The following NUP88 variants were observed in gnomAD, a reference collection of about 807,000 sequenced individuals.
NUP88 encodes the protein nuclear pore complex protein Nup88.
NUP88 carries 57 observed loss-of-function variants against 93.9 expected under a neutral mutation model. That is an observed-to-expected ratio of 0.61 (90% CI 0.49 to 0.76). The LOEUF (loss-of-function observed/expected upper bound fraction) is 0.76, where lower values mean the gene tolerates loss of function less well. Ranked by LOEUF, NUP88 falls within the 30% of genes least tolerant of loss-of-function variation. The pLI is 0.00. For synonymous variants in NUP88, 346 were observed against 336.8 expected (o/e 1.03, Z -0.30); for missense variants, 911 against 901.0 (o/e 1.01, Z -0.14).
Position 5,399,616 on chromosome 17 carries a change from A to G in NUP88, c.1227T>C (p.His409=), listed in dbSNP as rs1305208888. ...PKCPSRYHCT[H]EAGVHSVGLT... ...GCCCAACACTATGTACACCAGCTTC[A>G]TGAGTACAGTGATATCTTGAAGGAC... Residue 409 remains histidine, a synonymous_variant, in exon 8 of 17, where the codon CAT becomes CAC. Transcript: ENST00000573584. The G allele has an allele frequency of 3.1e-6, 5 of 1,608,622 alleles. No homozygotes were observed. Among genetic ancestry groups the G allele is most frequent in the Admixed American group, 1.7e-5 (1 of 59,674 alleles).
At chr17:5,386,415 G>A in intron 16 of NUP88, 146 bp from the exon 17 acceptor site, 1 of 699,776 alleles carries the variant, frequency 1.4e-6, no homozygotes, top group Non-Finnish European at 2.5e-6. Flanking sequence ...TAGCAATAGT[G>A]TTCACTATTC....
At position 5,416,556 on chromosome 17, in the gene NUP88, TC is replaced by T. The variant is rs1454666315; in HGVS notation, c.423del (p.Lys142ArgfsTer12). 3 of 1,612,040 alleles carry T rather than the reference TC, an allele frequency of 1.9e-6. No individual in the cohort carries two copies. The highest frequency in any genetic ancestry group is 1.7e-6 in the Non-Finnish European group (2 of 1,179,172). The stretch of plus-strand genomic sequence containing the variant: ...TTTCCACCTTCAAATTCAGAATTCT[TC>T]CCCCATCTTTTAGGTAATTCTAATA... ...LMVLELPKRW[G>X]KNSEFEGGKS... On this transcript the variant is annotated frameshift_variant, in exon 2 of 17. Coordinates refer to ENST00000573584, the MANE Select transcript of NUP88 (RefSeq NM_002532.6). LOFTEE classifies it high-confidence loss of function.
chr17:5,411,708 T>C (rs111322674), intron 3 of NUP88, among the ~76,000 whole-genome samples: 7 of 152,206 alleles, frequency 4.6e-5, no homozygotes, highest in South Asian at 2.1e-4. Flanking sequence ...TTTCACAGCA[T>C]ATAAGGCTAT....
chr17:5,385,166 A>C lies in NUP88; in HGVS notation c.*1040T>G, dbSNP rs917168352. 4 of 229,748 alleles carry C rather than the reference A, an allele frequency of 1.7e-5. No homozygotes were observed. Among genetic ancestry groups the C allele is most frequent in the Non-Finnish European group, 3.4e-5 (4 of 115,980 alleles). 14.2% of individuals were successfully genotyped at this position (229,748 alleles called of 1,614,324 possible). On this transcript the variant is annotated 3_prime_UTR_variant, in exon 17 of 17. Transcript: ENST00000573584. ...CTTTATTGTAGAAAAACCCAAACTGAGACTCTTAAGTTTTGTTTAGCAATG... is the reference window on the plus strand; with the variant it reads ...CTTTATTGTAGAAAAACCCAAACTGCGACTCTTAAGTTTTGTTTAGCAATG...
Position 5,404,245 on chromosome 17 carries a change from G to A in NUP88, c.1046C>T (p.Ser349Leu), listed in dbSNP as rs1913350925. ...LEGEEEDDHTSEKSWDSRIDL... is the reference protein window; with the variant it reads ...LEGEEEDDHTLEKSWDSRIDL... ...AATCCTGGAATCCCAGGACTTTTCT[G>A]ACTGTAAAAAAAAGTGTTGTAATTT... The change falls in exon 7 of 17, where the codon TCA becomes TTA. Residue 349 changes from serine (S) to leucine (L), a missense_variant and splice_region_variant. Physicochemically the swap from Ser to Leu is moderately radical, Grantham distance 145 (BLOSUM62 -2). Transcript: ENST00000573584. 1 of 1,609,592 alleles carries A rather than the reference G, an allele frequency of 6.2e-7. No homozygotes were observed. Among genetic ancestry groups the A allele is most frequent in the African/African-American group, 1.3e-5 (1 of 74,710 alleles).
chr17:5,399,534 G>C lies in NUP88; in HGVS notation c.1291+18C>G, dbSNP rs746239991. 8 of 1,300,098 alleles carry C rather than the reference G, an allele frequency of 6.2e-6. No individual in the cohort carries two copies. Among genetic ancestry groups the C allele is most frequent in the Non-Finnish European group, 8.9e-6 (8 of 903,930 alleles). The allele number at this position is 1,300,098 out of a possible 1,614,324, so 80.5% of individuals were successfully genotyped here. A position where few individuals can be genotyped will look rare whatever the true frequency, so the allele number is the denominator to read the frequency against. On this transcript the variant is annotated intron_variant, in intron 8 of 16. Transcript: ENST00000573584. ...TCCTCTGAAATCTATTAAAAGTGCA[G>C]AGAGTTAGTAAACTCACCTGATCCA...
At chr17:5,413,927 G>C (rs927648274) in intron 3 of NUP88, 82 bp downstream of exon 3, 1 of 1,457,176 alleles carries the variant, frequency 6.9e-7, no homozygotes, top group Non-Finnish European at 9.5e-7. Context: ...GACTCACTTC[G>C]TTCTATGTTG....
chr17:5,391,097 C>G (rs893137085), intron 10 of NUP88, among the ~76,000 whole-genome samples: 1 of 152,126 alleles, frequency 6.6e-6, no homozygotes, highest in Non-Finnish European at 1.5e-5. Flanking sequence ...TATCCCAGCT[C>G]TATTTGTTAC....
chr17:5,415,256 G>A (rs541203053), intron 2 of NUP88, among the ~76,000 whole-genome samples: 1 of 152,196 alleles, frequency 6.6e-6, no homozygotes, highest in South Asian at 2.1e-4. Flanking sequence ...CTGAGCTCAG[G>A]TGATCCACCT....
rs367956575 is a variant in NUP88, at chr17:5,391,645, C to T, written c.1400G>A (p.Arg467Gln). 32 of 1,613,742 alleles carry T rather than the reference C, an allele frequency of 2.0e-5. No homozygotes were observed. The highest frequency in any genetic ancestry group is 6.7e-5 in the African/African-American group (5 of 74,878). The change falls in exon 10 of 17, where the codon CGA becomes CAA. Residue 467 changes from arginine to glutamine, a missense_variant. Physicochemically the swap from Arg to Gln is conservative, Grantham distance 43 (BLOSUM62 1). Transcript: ENST00000573584. Reference protein sequence around the residue: ...PLPCRQPAPIRGFWIVPDILG... With the variant: ...PLPCRQPAPIQGFWIVPDILG... ...AATGTCAGGTACAATCCAAAATCCT[C>T]GAATTGGAGCTGGCTGCCTGGAAAA...
chr17:5,386,398 A>G (rs1911978906), intron 16 of NUP88, 129 bp from the exon 17 acceptor site: 1 of 754,246 alleles, frequency 1.3e-6, no homozygotes, highest in African/African-American at 1.8e-5. Flanking sequence ...TGAAGGTTTC[A>G]GGTGGATAGC....
At chr17:5,404,518 G>T (rs892547375) in intron 6 of NUP88, among the ~76,000 whole-genome samples, 1 of 152,072 alleles carries the variant, frequency 6.6e-6, no homozygotes, top group East Asian at 1.9e-4. Flanking sequence ...GGAGGCTGAC[G>T]CAAGAGAATC....
At chr17:5,396,031 C>T (rs750188566) in intron 8 of NUP88, among the ~76,000 whole-genome samples, 10 of 151,846 alleles carry the variant, frequency 6.6e-5, no homozygotes, top group African/African-American at 1.2e-4. Context: ...GCCAACATAG[C>T]GAGACGCCGT....
intron 8 of NUP88, among the ~76,000 whole-genome samples, chr17:5,396,503 A>C (rs931669624): frequency 6.6e-6 from 1 of 152,236 alleles, no homozygotes; most frequent in African/African-American, 2.4e-5. Flanking sequence ...TCTGTTGTAT[A>C]GACACACCAC....
At chr17:5,411,576 A>C (rs1405020420) in intron 3 of NUP88, among the ~76,000 whole-genome samples, 2 of 115,554 alleles carry the variant, frequency 1.7e-5, no homozygotes, top group African/African-American at 3.3e-5. Context: ...GCGAGACTCC[A>C]TTTCAAAAAA....
At chr17:5,387,990 A>C (rs1211216570) in intron 11 of NUP88, 86 bp from the exon 12 acceptor site, 3 of 1,340,682 alleles carry the variant, frequency 2.2e-6, no homozygotes, top group Non-Finnish European at 3.0e-6. Context: ...GTGCTTTTTA[A>C]ACTTTTTATA....
intron 2 of NUP88, among the ~76,000 whole-genome samples, chr17:5,416,138 C>G (rs1216751065): frequency 4.4e-5 from 4 of 91,150 alleles, no homozygotes; most frequent in African/African-American, 1.5e-4. Context: ...GAGCAAGACT[C>G]CATCTCAAAA....
chr17:5,408,591 T>G, intron 5 of NUP88, 142 bp downstream of exon 5: 1 of 599,614 alleles, frequency 1.7e-6, no homozygotes, highest in Non-Finnish European at 2.8e-6. Flanking sequence ...ACTAACTCTT[T>G]CTCAAAAATA....
intron 9 of NUP88, among the ~76,000 whole-genome samples, chr17:5,392,492 T>A (rs928419546): frequency 6.6e-6 from 1 of 152,166 alleles, no homozygotes; most frequent in African/African-American, 2.4e-5. Flanking sequence ...GGACAAGACA[T>A]GGAGACGATA....
Sources: gnomAD v4.1 joint callset for allele counts (sites outside exome capture counted in the v4.1 genomes callset) on GRCh38, gnomAD v4.1.1 for gene constraint, MANE v1.5 for transcripts, NCBI Gene and HGNC (gene_info 2026-07-23, HGNC 2026-07-21) for gene names.